Variants in GBA1 observed in about 807,000 individuals in gnomAD.
GBA1 encodes glucosylceramidase beta 1.
chr1:155,238,157 C>A, the GBA1 span: 2 of 1,614,200 alleles, frequency 1.2e-6, no homozygotes, highest in Non-Finnish European at 1.7e-6. Context: ...TGGCCCAGGT[C>A]TGGTGGTAGA....
the GBA1 span, chr1:155,235,815 G>C: frequency 2.2e-5 from 35 of 1,614,122 alleles, no homozygotes; most frequent in South Asian, 3.6e-4. Context: ...GGTTCCAGTC[G>C]GTCCAGCCGA....
chr1:155,242,236 T>G, the GBA1 span, among the ~76,000 whole-genome samples: 1 of 152,140 alleles, frequency 6.6e-6, no homozygotes, highest in Non-Finnish European at 1.5e-5. Flanking sequence ...TTGTTGTTGT[T>G]TTTTGAGACA....
chr1:155,234,927 G>A, the GBA1 span: 1 of 494,264 alleles, frequency 2.0e-6, no homozygotes. Context: ...GTCACAGACA[G>A]CGTGTGAGCT....
chr1:155,235,767 A>G, the GBA1 span: 18 of 1,614,112 alleles, frequency 1.1e-5, no homozygotes, highest in Admixed American at 1.3e-4. Flanking sequence ...CGACAAAGTT[A>G]CGCACCCAAT....
the GBA1 span, among the ~76,000 whole-genome samples, chr1:155,243,467 T>A: frequency 6.0e-4 from 92 of 152,190 alleles, no homozygotes; most frequent in East Asian, 0.017. Flanking sequence ...TACTGAGCAA[T>A]TTTTTGTTTG....
the GBA1 span, chr1:155,238,066 T>C: frequency 1.3e-6 from 2 of 1,527,836 alleles, no homozygotes; most frequent in South Asian, 2.2e-5. Context: ...AGGTTGAGGG[T>C]TGGGACACAG....
chr1:155,239,564 A>C, the GBA1 span: 1 of 1,608,228 alleles, frequency 6.2e-7, no homozygotes, highest in South Asian at 1.1e-5. Flanking sequence ...AAAAGAAAAG[A>C]AAAACGAAAA....
chr1:155,239,938 C>T, the GBA1 span: 1 of 1,614,128 alleles, frequency 6.2e-7, no homozygotes, highest in Non-Finnish European at 8.5e-7. Flanking sequence ...CCATCCGTCG[C>T]CCACTGCGTG....
chr1:155,238,265 G>A, the GBA1 span: 53 of 1,606,746 alleles, frequency 3.3e-5, no homozygotes, highest in Admixed American at 1.0e-4. Context: ...GGAGTGAAAC[G>A]GGACGCTGGG....
At chr1:155,237,900 T>C in the GBA1 span, 1 of 632,368 alleles carries the variant, frequency 1.6e-6, no homozygotes, top group Non-Finnish European at 2.7e-6. Flanking sequence ...AGAGACTCCT[T>C]CTCAAAAAAA....
At chr1:155,236,404 A>G in the GBA1 span, 1 of 1,614,178 alleles carries the variant, frequency 6.2e-7, no homozygotes, top group East Asian at 2.2e-5. Context: ...CTGGAGCCAG[A>G]AAGTCCAGGT....
At chr1:155,235,779 G>A in the GBA1 span, 1 of 1,614,232 alleles carries the variant, frequency 6.2e-7, no homozygotes, top group East Asian at 2.2e-5. Flanking sequence ...GCACCCAATT[G>A]GGTCCTCCTT....
chr1:155,240,412 C>T, the GBA1 span: 1 of 616,000 alleles, frequency 1.6e-6, no homozygotes, highest in Non-Finnish European at 2.9e-6. Flanking sequence ...TGGAATGAGC[C>T]AAAATTGCAC....
chr1:155,243,881 G>A, the GBA1 span, among the ~76,000 whole-genome samples: 2 of 152,020 alleles, frequency 1.3e-5, no homozygotes, highest in Non-Finnish European at 1.5e-5. Context: ...CAAGCGGAGG[G>A]TAGGGACCAG....
the GBA1 span, among the ~76,000 whole-genome samples, chr1:155,241,976 T>G: frequency 6.6e-6 from 1 of 152,156 alleles, no homozygotes; most frequent in African/African-American, 2.4e-5. Flanking sequence ...TACAAAGCCA[T>G]ATCCTCAGTG....
At chr1:155,235,147 C>T in the GBA1 span, 3 of 1,500,188 alleles carry the variant, frequency 2.0e-6, no homozygotes, top group Admixed American at 1.7e-5. Context: ...TGCCAAGGCC[C>T]CCAACGCTGT....
chr1:155,242,799 G>A, the GBA1 span, among the ~76,000 whole-genome samples: 1 of 152,122 alleles, frequency 6.6e-6, no homozygotes, highest in South Asian at 2.1e-4. Flanking sequence ...CACCATGTTG[G>A]CCAGGCTGGT....
the GBA1 span, chr1:155,239,659 G>A: frequency 6.2e-7 from 1 of 1,614,176 alleles, no homozygotes; most frequent in Admixed American, 1.7e-5. Flanking sequence ...TTTGGGCAGG[G>A]GGTGACAGGG....
chr1:155,236,256 T>C, the GBA1 span: 2 of 1,613,784 alleles, frequency 1.2e-6, no homozygotes, highest in East Asian at 2.2e-5. Flanking sequence ...GTGATGATGC[T>C]GTGGCTGTAC....
Sources: gnomAD v4.1 joint callset for allele counts (sites outside exome capture counted in the v4.1 genomes callset) on GRCh38, gnomAD v4.1.1 for gene constraint, MANE v1.5 for transcripts, NCBI Gene and HGNC (gene_info 2026-07-23, HGNC 2026-07-21) for gene names.